The following BRAP variants were observed in gnomAD, a reference collection of about 807,000 sequenced individuals.
The protein encoded by BRAP is BRCA1 associated protein, also known as BRCA1-associated protein.
In BRAP, 42 loss-of-function variants were observed where a neutral mutation model predicts 73.4. That is an observed-to-expected ratio of 0.57 (90% confidence interval 0.45 to 0.74). BRAP has a LOEUF of 0.74. Among genes scored for constraint, BRAP ranks in the 30% least tolerant of loss-of-function variants. BRAP has a pLI of 0.00. For missense variants in BRAP, 593 were observed against 751.4 expected, an observed-to-expected ratio of 0.79 and a Z score of 2.46; for synonymous variants, 255 against 267.4, an observed-to-expected ratio of 0.95 and a Z score of 0.45.
chr12:111,685,225 G>A (rs1220077419), intron 1 of BRAP, among the ~76,000 whole-genome samples: 1 of 152,224 alleles, frequency 6.6e-6, no homozygotes, highest in African/African-American at 2.4e-5. Context: ...CTGTTGCAAA[G>A]ATAATTAAAG....
chr12:111,676,515 T>C (rs1231437064), intron 4 of BRAP, among the ~76,000 whole-genome samples: 1 of 152,098 alleles, frequency 6.6e-6, no homozygotes, highest in Non-Finnish European at 1.5e-5. Context: ...CCAGGTTCAA[T>C]AGTTTCTCCT....
intron 1 of BRAP, among the ~76,000 whole-genome samples, chr12:111,683,742 T>C (rs1458348362): frequency 2.0e-5 from 3 of 152,074 alleles, no homozygotes; most frequent in Admixed American, 1.3e-4. Flanking sequence ...GGCTTCACCA[T>C]GTTGGACAGG....
At chr12:111,682,497 C>CAAAAAAAAAA (rs11366915) in intron 2 of BRAP, among the ~76,000 whole-genome samples, 7 of 77,880 alleles carry the variant, frequency 9.0e-5, no homozygotes, top group Admixed American at 1.5e-4. Flanking sequence ...GAGACTGTCT[C>CAAAAAAAAAA]AAAAAAAAAA....
chr12:111,683,071 C>T (rs1593002114), intron 2 of BRAP, 75 bp downstream of exon 2: 1 of 1,489,446 alleles, frequency 6.7e-7, no homozygotes, highest in South Asian at 1.3e-5. Flanking sequence ...ATTGTAGGCT[C>T]ATCAAACACC....
intron 11 of BRAP, among the ~76,000 whole-genome samples, chr12:111,647,502 G>T (rs1456703853): frequency 1.3e-5 from 2 of 152,150 alleles, no homozygotes; most frequent in East Asian, 3.8e-4. Flanking sequence ...CACTGGTACT[G>T]GTTAATAATG....
At chr12:111,646,307 A>G (rs1886110277) in intron 11 of BRAP, among the ~76,000 whole-genome samples, 2 of 151,990 alleles carry the variant, frequency 1.3e-5, no homozygotes. Flanking sequence ...AACAAAAACC[A>G]AAAACACTCA....
chr12:111,658,889 G>T, intron 8 of BRAP, 44 bp from the exon 9 acceptor site: 1 of 1,488,288 alleles, frequency 6.7e-7, no homozygotes, highest in Non-Finnish European at 9.3e-7. Flanking sequence ...AGAATGAAAA[G>T]GGTCTCTGTA....
chr12:111,682,514 A>AAAAAG (rs1286057335), intron 2 of BRAP, among the ~76,000 whole-genome samples: 1 of 151,332 alleles, frequency 6.6e-6, no homozygotes, highest in Non-Finnish European at 1.5e-5. Context: ...AAAAAAAAAA[A>AAAAAG]AAAAGAAAAG....
chr12:111,683,325 G>T lies in BRAP; in HGVS notation c.83-18C>A, dbSNP rs558218980. 3 of 1,600,712 alleles carry T rather than the reference G, an allele frequency of 1.9e-6. No homozygotes were observed. The South Asian group carries it at 3.4e-5, about 18-fold the overall frequency. ...TTCCCCGGCTAAAGAACACATGAAT[G>T]ATTAATACAAGGTAATAAAACAAGC... On this transcript the variant is annotated intron_variant, in intron 1 of 11. Transcript: ENST00000419234.
intron 4 of BRAP, 60 bp downstream of exon 4, chr12:111,679,091 C>T: frequency 8.0e-7 from 1 of 1,243,390 alleles, no homozygotes; most frequent in South Asian, 2.2e-5. Flanking sequence ...AGCTATCATA[C>T]AGTTTGAATA....
In BRAP at chr12:111,683,292, T is replaced by A. The variant is rs1887675208; in HGVS notation, c.98A>T (p.Asp33Val). 1 of 1,610,412 alleles carries A rather than the reference T, an allele frequency of 6.2e-7. No individual in the cohort carries two copies. The highest frequency in any genetic ancestry group is 1.1e-5 in the South Asian group (1 of 90,296). ...GFSAAAGEMS[D>V]EEIKKTTLAS... is the part of the protein sequence containing the mutation. The stretch of plus-strand genomic sequence containing the variant: ...TAGTGTCGTCTTTTTTATCTCCTCA[T>A]CAGACATTTCCCCGGCTAAAGAACA... The change falls in exon 2 of 12, where the codon GAT becomes GTT. Residue 33 changes from aspartate (D) to valine (V), a missense_variant. Physicochemically the swap from Asp to Val is radical, Grantham distance 152. This residue lies in a region of BRAP where 304 missense variants were observed against 337.7 expected (regional missense o/e 0.90). Coordinates refer to ENST00000419234, the MANE Select transcript of BRAP (RefSeq NM_006768.5).
intron 4 of BRAP, among the ~76,000 whole-genome samples, chr12:111,677,429 G>A (rs1887424278): frequency 6.6e-6 from 1 of 152,100 alleles, no homozygotes; most frequent in African/African-American, 2.4e-5. Context: ...AAAAGTGAGG[G>A]TGCCACACTC....
Position 111,656,163 on chromosome 12 carries a change from T to C in BRAP, c.1222-508A>G, listed in dbSNP as rs148972841. Among the ~76,000 whole-genome samples, 47 of 152,362 alleles carry C rather than the reference T, an allele frequency of 3.1e-4. No individual in the cohort carries two copies. The East Asian group carries it at 7.7e-3, about 25-fold the overall frequency. On this transcript the variant is annotated intron_variant, in intron 9 of 11. Transcript: ENST00000419234. ...AGCAAGGGTTATATCTCTACTGCTG[T>C]ATCTCCAGTGCCTGGCACATGGTGG...
At chr12:111,679,028 A>G in intron 4 of BRAP, 123 bp downstream of exon 4, 1 of 598,608 alleles carries the variant, frequency 1.7e-6, no homozygotes, top group East Asian at 3.2e-5. Context: ...TTACAATTAT[A>G]TCTTAGAAGA....
intron 6 of BRAP, among the ~76,000 whole-genome samples, chr12:111,661,614 T>C (rs1426764819): frequency 6.6e-6 from 1 of 151,856 alleles, no homozygotes; most frequent in Non-Finnish European, 1.5e-5. Flanking sequence ...CAACCTGCCT[T>C]ATCCCCATTT....
intron 5 of BRAP, among the ~76,000 whole-genome samples, chr12:111,668,596 G>A (rs1592986647): frequency 6.6e-6 from 1 of 151,904 alleles, no homozygotes. Context: ...GACCCATTAA[G>A]GTGAAGTGGG....
chr12:111,647,928 G>T (rs1329999347), intron 11 of BRAP, among the ~76,000 whole-genome samples: 1 of 151,926 alleles, frequency 6.6e-6, no homozygotes, highest in African/African-American at 2.4e-5. Flanking sequence ...AATTAGCCAG[G>T]GGTGGTGGTG....
chr12:111,667,991 G>A (rs1446858385), intron 5 of BRAP, among the ~76,000 whole-genome samples: 6 of 152,146 alleles, frequency 3.9e-5, no homozygotes, highest in East Asian at 3.9e-4. Flanking sequence ...GGCGGATCAC[G>A]AGGTCAAGAG....
intron 7 of BRAP, among the ~76,000 whole-genome samples, chr12:111,659,809 G>A (rs1886675618): frequency 6.6e-6 from 1 of 152,104 alleles, no homozygotes; most frequent in African/African-American, 2.4e-5. Context: ...TTGAGCCTAG[G>A]AGTTTAAGAC....
Sources: gnomAD v4.1 joint callset for allele counts (sites outside exome capture counted in the v4.1 genomes callset) on GRCh38, gnomAD v4.1.1 for gene constraint, gnomAD v4.1.1 regional missense constraint, MANE v1.5 for transcripts, NCBI Gene and HGNC (gene_info 2026-07-23, HGNC 2026-07-21) for gene names.